Variants in SNX29 observed in about 807,000 individuals in gnomAD.
SNX29 encodes sorting nexin 29.
SNX29 carries 78 observed loss-of-function variants against 102.1 expected under a neutral mutation model. The observed-to-expected ratio is 0.76, with a 90% CI of 0.64 to 0.92. The LOEUF (loss-of-function observed/expected upper bound fraction) is 0.92, where lower values mean the gene tolerates loss of function less well. SNX29 is among the 40% of genes least tolerant of loss of function. The probability of loss-of-function intolerance (pLI) is 0.00; values close to 1 mark genes in which losing one functional copy is unlikely to be tolerated. For synonymous variants in SNX29, 580 were observed against 414.5 expected (o/e 1.40, Z -4.85); for missense variants, 1,280 against 1,061.7 (o/e 1.21, Z -2.86).
intron 14 of SNX29, among the ~76,000 whole-genome samples, chr16:12,235,885 C>T (rs1436386454): frequency 1.3e-5 from 2 of 151,596 alleles, no homozygotes; most frequent in Non-Finnish European, 2.9e-5. Context: ...TGTATAGAAA[C>T]CTTAGGAAAC....
intron 18 of SNX29, among the ~76,000 whole-genome samples, chr16:12,461,978 A>G (rs6498304): frequency 7.3e-5 from 2 of 27,354 alleles, no homozygotes; most frequent in African/African-American, 2.7e-4. Context: ...AAAAAAAAAA[A>G]ATATATATAT....
At chr16:12,559,064 G>A (rs1284600895) in intron 20 of SNX29, among the ~76,000 whole-genome samples, 1 of 152,104 alleles carries the variant, frequency 6.6e-6, no homozygotes, top group East Asian at 1.9e-4. Flanking sequence ...CAATGTAGAG[G>A]TCTACCGCTG....
rs181519778 is a variant in SNX29 at position 12,505,114 on chromosome 16, A to G, written c.2179-19588A>G. 5.3e-3 allele frequency among the ~76,000 whole-genome samples: 803 copies of G among 152,340 alleles called. 3 individuals carry two copies. Among genetic ancestry groups the G allele is most frequent in the Non-Finnish European group, 8.2e-3 (559 of 68,034 alleles). On this transcript the variant is annotated intron_variant, in intron 19 of 20. Coordinates refer to ENST00000566228, the MANE Select transcript of SNX29 (RefSeq NM_032167.5). ...GTGAGACTCTGTCTCTACAAAAAAT[A>G]TAGAGGAAAAAACAAAAAGAGACTC... is the stretch of plus-strand genomic sequence containing the variant.
chr16:12,156,804 C>A (rs990799373), intron 13 of SNX29, among the ~76,000 whole-genome samples: 12 of 152,204 alleles, frequency 7.9e-5, no homozygotes, highest in Admixed American at 7.9e-4. Flanking sequence ...AGTGCAGGAG[C>A]CCAGGGCATG....
chr16:12,541,195 A>C (rs1641889), intron 20 of SNX29, among the ~76,000 whole-genome samples: 16,134 of 152,184 alleles, frequency 0.11, 1,065 homozygotes, highest in Non-Finnish European at 0.14. Context: ...TCTATCCTGA[A>C]GTATTATGGA....
chr16:12,286,945 T>G (rs2079617616), intron 15 of SNX29, among the ~76,000 whole-genome samples: 1 of 152,196 alleles, frequency 6.6e-6, no homozygotes, highest in Non-Finnish European at 1.5e-5. Flanking sequence ...AAAAGCCTGT[T>G]AAAAGAGGCT....
chr16:12,311,755 C>T (rs929880179), intron 15 of SNX29, among the ~76,000 whole-genome samples: 3 of 152,256 alleles, frequency 2.0e-5, no homozygotes, highest in Non-Finnish European at 4.4e-5. Context: ...AGAGCTTGGC[C>T]ATCTCTGTAC....
chr16:12,547,196 T>A (rs930613522), intron 20 of SNX29, among the ~76,000 whole-genome samples: 2 of 152,134 alleles, frequency 1.3e-5, no homozygotes, highest in African/African-American at 4.8e-5. Flanking sequence ...ACAGGGATAG[T>A]TTGACCCGAA....
intron 14 of SNX29, among the ~76,000 whole-genome samples, chr16:12,252,713 C>G (rs979693102): frequency 6.6e-6 from 1 of 152,210 alleles, no homozygotes; most frequent in Non-Finnish European, 1.5e-5. Flanking sequence ...GCCGAGGTGC[C>G]TGGTGCCTGT....
At chr16:12,245,578 GTTTA>G (rs1404173550) in intron 14 of SNX29, among the ~76,000 whole-genome samples, 5 of 151,858 alleles carry the variant, frequency 3.3e-5, no homozygotes, top group African/African-American at 4.8e-5. Flanking sequence ...AGTGATTGTA[GTTTA>G]TTTATTTATT....
At chr16:12,546,513 C>G (rs1177744963) in intron 20 of SNX29, 2 of 152,202 alleles carry the variant, frequency 1.3e-5, no homozygotes, top group Non-Finnish European at 2.9e-5. Context: ...CCCTGTGATT[C>G]AATTATCTCC....
intron 14 of SNX29, among the ~76,000 whole-genome samples, chr16:12,221,787 G>C (rs893522569): frequency 1.3e-5 from 2 of 152,178 alleles, no homozygotes; most frequent in Non-Finnish European, 2.9e-5. Flanking sequence ...CGTTGGTCCT[G>C]TCTGCCTGCT....
intron 14 of SNX29, among the ~76,000 whole-genome samples, chr16:12,226,518 A>G (rs1273073289): frequency 6.6e-6 from 1 of 150,938 alleles, no homozygotes; most frequent in Non-Finnish European, 1.5e-5. Flanking sequence ...TTCTCTGTTT[A>G]TTCTAGAAAG....
At chr16:12,478,482 C>T (rs1032478304) in intron 19 of SNX29, among the ~76,000 whole-genome samples, 4 of 152,142 alleles carry the variant, frequency 2.6e-5, no homozygotes, top group African/African-American at 4.8e-5. Context: ...TTATTCATCC[C>T]GGTTCCCTTG....
chr16:12,380,560 C>T (rs2058832357), intron 16 of SNX29, among the ~76,000 whole-genome samples: 2 of 135,788 alleles, frequency 1.5e-5, no homozygotes, highest in African/African-American at 2.8e-5. Flanking sequence ...TCCATCCATC[C>T]ACCCACCATC....
intron 3 of SNX29, among the ~76,000 whole-genome samples, chr16:12,015,537 CTT>C (rs75041580): frequency 1.2e-3 from 159 of 137,544 alleles, no homozygotes; most frequent in South Asian, 1.4e-3. Flanking sequence ...CGTGCCTGGT[CTT>C]TTTTTTTTTT....
rs1040400851 is a variant in SNX29, at chr16:12,188,812, A to G, written c.1596-10789A>G. On this transcript the variant is annotated intron_variant, in intron 13 of 20. Coordinates refer to ENST00000566228, the MANE Select transcript of SNX29 (RefSeq NM_032167.5). ...ACACAGCTTAATCCAGAGAACAGCC[A>G]AGGAGGAATGCAGACATCCTGGAAT... 3.9e-5 allele frequency among the ~76,000 whole-genome samples: 6 copies of G among 152,314 alleles called. 1 individual carries two copies. The South Asian group carries it at 1.0e-3, about 26-fold the overall frequency.
intron 19 of SNX29, among the ~76,000 whole-genome samples, chr16:12,503,095 C>T (rs953484744): frequency 6.6e-6 from 1 of 152,180 alleles, no homozygotes; most frequent in Non-Finnish European, 1.5e-5. Flanking sequence ...AGGGAGGACC[C>T]TCCCATCCAC....
intron 20 of SNX29, among the ~76,000 whole-genome samples, chr16:12,552,602 G>A (rs905967167): frequency 6.6e-6 from 1 of 152,166 alleles, no homozygotes; most frequent in South Asian, 2.1e-4. Context: ...ATTCTCATGG[G>A]GATGACTAAA....
Sources: gnomAD v4.1 joint callset for allele counts (sites outside exome capture counted in the v4.1 genomes callset) on GRCh38, gnomAD v4.1.1 for gene constraint, MANE v1.5 for transcripts, NCBI Gene and HGNC (gene_info 2026-07-23, HGNC 2026-07-21) for gene names.